The following MTMR10 variants were observed in gnomAD, a reference collection of about 807,000 sequenced individuals.
MTMR10 encodes the protein myotubularin-related protein 10.
In MTMR10, 56 loss-of-function variants were observed where a neutral mutation model predicts 88.1. The observed-to-expected ratio is 0.64, with a 90% CI of 0.51 to 0.79. The LOEUF (loss-of-function observed/expected upper bound fraction) is 0.79, where lower values mean the gene tolerates loss of function less well. Among genes scored for constraint, MTMR10 ranks in the 30% least tolerant of loss-of-function variants. The probability of loss-of-function intolerance (pLI) is 0.00; values close to 1 mark genes in which losing one functional copy is unlikely to be tolerated. For missense variants in MTMR10, 883 were observed against 924.7 expected (o/e 0.95, Z 0.58); for synonymous variants, 380 against 340.9 (o/e 1.11, Z -1.26).
At position 30,941,192 on chromosome 15, in the gene MTMR10, G is replaced by T; in HGVS notation, c.*278C>A. 1 of 1,349,608 alleles carries T rather than the reference G, an allele frequency of 7.4e-7. No homozygotes were observed. The highest frequency in any genetic ancestry group is 9.7e-7 in the Non-Finnish European group (1 of 1,028,884). The allele number at this position is 1,349,608 out of a possible 1,614,324, so 83.6% of individuals were successfully genotyped here. A position where few individuals can be genotyped will look rare whatever the true frequency, so the allele number is the denominator to read the frequency against. On this transcript the variant is annotated 3_prime_UTR_variant, in exon 16 of 16. Transcript: ENST00000435680. ...GCCTTCAGGAGGTGGTAGGAAAAAT[G>T]GATGGAGACAAAAATGTAGCAGACA...
At chr15:30,951,844 T>C in intron 12 of MTMR10, 124 bp downstream of exon 12, 1 of 792,424 alleles carries the variant, frequency 1.3e-6, no homozygotes, top group East Asian at 2.6e-5. Flanking sequence ...TGTAATGTAT[T>C]TGATGGTACT....
chr15:30,988,544 GCA>G lies in MTMR10; in HGVS notation c.121+2231_121+2232del, dbSNP rs372941301. 2.4e-3 allele frequency among the ~76,000 whole-genome samples: 366 copies of G among 152,234 alleles called. 1 individual carries two copies. The highest frequency in any genetic ancestry group is 8.3e-3 in the African/African-American group (345 of 41,548). On this transcript the variant is annotated intron_variant, in intron 2 of 15. Transcript: ENST00000435680. ...AGCTGCCATTTCTGGGACAAGAAAA[GCA>G]CAGTCAGAAACTTGGTTTACAACTT...
At position 30,953,676 on chromosome 15, in the gene MTMR10, A is replaced by G. The variant is rs377702504; in HGVS notation, c.1067-45T>C. 5.1e-4 allele frequency: 667 copies of G among 1,313,216 alleles called. 3 individuals carry two copies. In the African/African-American group the frequency reaches 8.1e-3, roughly 16 times the overall value. 81.3% of individuals were successfully genotyped at this position (1,313,216 alleles called of 1,614,324 possible). On this transcript the variant is annotated intron_variant, in intron 10 of 15. Coordinates refer to ENST00000435680, the MANE Select transcript of MTMR10 (RefSeq NM_017762.3). ...TACACATTTTTACTTTTTATTTTAT[A>G]CGATCCCTATCAGAGTAAAGAGATA...
chr15:30,930,768 T>C, the MTMR10 span: 28 of 1,450,698 alleles, frequency 1.9e-5, no homozygotes, highest in Admixed American at 2.1e-4. Flanking sequence ...GTTGGCAAGA[T>C]TGAATTCCTT....
chr15:30,927,222 CAA>C, the MTMR10 span: 1 of 984,256 alleles, frequency 1.0e-6, no homozygotes, highest in Non-Finnish European at 1.2e-6. Context: ...ACAAAACAAA[CAA>C]AGGAGTTCAG....
At chr15:30,974,521 T>A in intron 4 of MTMR10, 65 bp from the exon 5 acceptor site, 1 of 1,317,532 alleles carries the variant, frequency 7.6e-7, no homozygotes, top group Non-Finnish European at 1.0e-6. Context: ...CACCCTTTAA[T>A]ACAAATTCTT....
chr15:30,951,240 G>T (rs985810419), intron 12 of MTMR10, among the ~76,000 whole-genome samples: 1 of 152,140 alleles, frequency 6.6e-6, no homozygotes. Context: ...TAGCTATTCA[G>T]CAGTTCAGTC....
chr15:30,952,857 T>C (rs1424758250), intron 11 of MTMR10, among the ~76,000 whole-genome samples: 2 of 152,080 alleles, frequency 1.3e-5, no homozygotes, highest in Non-Finnish European at 2.9e-5. Context: ...TGGCGTGATC[T>C]TGACTCAATG....
intron 13 of MTMR10, 95 bp downstream of exon 13, chr15:30,948,207 A>G (rs1566948160): frequency 8.6e-7 from 1 of 1,164,744 alleles, no homozygotes; most frequent in South Asian, 1.7e-5. Flanking sequence ...TGTACTAAAT[A>G]CAGTATTTTT....
Position 30,947,246 on chromosome 15 carries a change from G to A in MTMR10, c.1432C>T (p.Pro478Ser). 1 of 1,613,916 alleles carries A rather than the reference G, an allele frequency of 6.2e-7. No individual in the cohort carries two copies. The highest frequency in any genetic ancestry group is 1.1e-5 in the South Asian group (1 of 91,070). The change falls in exon 14 of 16, where the codon CCT becomes TCT. Residue 478 changes from proline (P) to serine (S), a missense_variant. By Grantham distance (74) the Pro-to-Ser change is moderately conservative. Coordinates refer to ENST00000435680, the MANE Select transcript of MTMR10 (RefSeq NM_017762.3). ...GTTTCGGAGAACTCAAAAGCTGCAGGATATTGTTCTAACAGCTGCCAGGTG... is the reference window on the plus strand; with the variant it reads ...GTTTCGGAGAACTCAAAAGCTGCAGAATATTGTTCTAACAGCTGCCAGGTG... The part of the protein sequence containing the change: ...DATWQLLEQY[P>S]AAFEFSETYL...
chr15:30,968,138 T>C, intron 5 of MTMR10, 128 bp from the exon 6 acceptor site: 1 of 619,876 alleles, frequency 1.6e-6, no homozygotes, highest in Non-Finnish European at 2.7e-6. Flanking sequence ...CATGTTTTTC[T>C]GTTGACCTAG....
chr15:30,951,004 C>CT (rs1041253930), intron 12 of MTMR10, among the ~76,000 whole-genome samples: 1 of 152,196 alleles, frequency 6.6e-6, no homozygotes, highest in African/African-American at 2.4e-5. Context: ...ACGGCCAAAG[C>CT]TTTCCCCCGC....
chr15:30,973,760 T>C (rs2029895941), intron 5 of MTMR10, among the ~76,000 whole-genome samples: 1 of 152,128 alleles, frequency 6.6e-6, no homozygotes, highest in Non-Finnish European at 1.5e-5. Flanking sequence ...AGTAGGGTAA[T>C]AAGTCATTAT....
At chr15:30,990,954 T>A in intron 1 of MTMR10, 117 bp from the exon 2 acceptor site, 1 of 822,064 alleles carries the variant, frequency 1.2e-6, no homozygotes, top group Non-Finnish European at 1.9e-6. Context: ...GCCCCCCATT[T>A]AAATTCTTTC....
chr15:30,964,010 T>TA lies in MTMR10; in HGVS notation c.566-2938dup, dbSNP rs201436983. The stretch of plus-strand genomic sequence containing the variant: ...ATATGATAGATACCTGTTTATGACT[T>TA]AAAAAAAAAAACCCAACAACGTTAG... On this transcript the variant is annotated intron_variant, in intron 6 of 15. Transcript: ENST00000435680. Among the ~76,000 whole-genome samples, 415 of 146,336 alleles carry TA rather than the reference T, an allele frequency of 2.8e-3. 1 individual carries two copies. The highest frequency in any genetic ancestry group is 7.8e-3 in the African/African-American group (309 of 39,850).
chr15:30,943,045 A>ATTGGATGTTTT lies in MTMR10; in HGVS notation c.1565_1575dup (p.Leu526LysfsTer11). The ATTGGATGTTTT allele has an allele frequency of 6.5e-7, 1 of 1,538,606 alleles. No individual in the cohort carries two copies. The highest frequency in any genetic ancestry group is 2.4e-5 in the East Asian group (1 of 40,902). On this transcript the variant is annotated frameshift_variant, in exon 15 of 16. Transcript: ENST00000435680. LOFTEE classifies it high-confidence loss of function. The stretch of plus-strand genomic sequence containing the variant: ...AATTTTAAGCCCTTCTCATCACCCA[A>ATTGGATGTTTT]TTGGATGTTTTTGCTTATAGCAAAT...
intron 12 of MTMR10, chr15:30,949,135 T>C (rs986707982): frequency 3.3e-5 from 5 of 152,278 alleles, no homozygotes; most frequent in African/African-American, 9.6e-5. Flanking sequence ...GATTATCTCA[T>C]TAGATGCGGA....
At chr15:30,943,585 G>A (rs2140991412) in intron 14 of MTMR10, 1 of 985,366 alleles carries the variant, frequency 1.0e-6, no homozygotes, top group Non-Finnish European at 1.2e-6. Flanking sequence ...CACAGACTCA[G>A]GGTAGGAAGG....
chr15:30,961,193 C>G, intron 6 of MTMR10, 120 bp from the exon 7 acceptor site: 9 of 1,316,640 alleles, frequency 6.8e-6, no homozygotes, highest in Non-Finnish European at 8.0e-6. Flanking sequence ...CTTCACCTTC[C>G]AAGTCTCTCC....
Sources: gnomAD v4.1 joint callset for allele counts (sites outside exome capture counted in the v4.1 genomes callset) on GRCh38, gnomAD v4.1.1 for gene constraint, MANE v1.5 for transcripts, NCBI Gene and HGNC (gene_info 2026-07-23, HGNC 2026-07-21) for gene names.